DRC3: variants seen among roughly 807,000 people sequenced by gnomAD.
DRC3 encodes the protein dynein regulatory complex subunit 3.
DRC3 carries 45 observed loss-of-function variants against 57.6 expected under a neutral mutation model. The observed-to-expected ratio is 0.78, with a 90% CI of 0.62 to 1.00. The LOEUF is 1.00. DRC3 is among the 50% of genes least tolerant of loss of function. The probability of loss-of-function intolerance (pLI) is 0.00; values close to 1 mark genes in which losing one functional copy is unlikely to be tolerated. For synonymous variants in DRC3, 257 were observed against 272.3 expected, an observed-to-expected ratio of 0.94 and a Z score of 0.55; for missense variants, 655 against 675.2, an observed-to-expected ratio of 0.97 and a Z score of 0.33.
chr17:17,988,339 T>G (rs549719261), intron 5 of DRC3: 1 of 530,260 alleles, frequency 1.9e-6, no homozygotes, highest in African/African-American at 1.9e-5. Flanking sequence ...GGCGGTTCTT[T>G]CCCTGTGTCT....
chr17:17,983,099 C>A (rs182584641), intron 3 of DRC3, among the ~76,000 whole-genome samples: 1 of 152,294 alleles, frequency 6.6e-6, no homozygotes, highest in East Asian at 1.9e-4. Flanking sequence ...GCTTACCTAG[C>A]AAACAGAATG....
rs1263153063 is a variant in DRC3, at chr17:17,995,171, C to T, written c.824+60C>T. 7 of 1,228,530 alleles carry T rather than the reference C, an allele frequency of 5.7e-6. No homozygotes were observed. The Admixed American group carries it at 1.3e-4, about 22-fold the overall frequency. 76.1% of individuals were successfully genotyped at this position (1,228,530 alleles called of 1,614,324 possible). On this transcript the variant is annotated intron_variant, in intron 8 of 13. Transcript: ENST00000399187. ...CTGCCACCAGCCTGCCTTGGCAAGGCCCCTTCCGCTCTAGGCCTCAGTTTC... is the reference window on the plus strand; with the variant it reads ...CTGCCACCAGCCTGCCTTGGCAAGGTCCCTTCCGCTCTAGGCCTCAGTTTC...
At chr17:17,978,839 T>C (rs768433924) in intron 3 of DRC3, among the ~76,000 whole-genome samples, 81 of 152,336 alleles carry the variant, frequency 5.3e-4, no homozygotes, top group Non-Finnish European at 8.2e-4. Context: ...CAGCCAGTAT[T>C]GAACACCTGC....
intron 7 of DRC3, 148 bp from the exon 8 acceptor site, chr17:17,994,851 C>T (rs2043391834): frequency 5.0e-5 from 31 of 623,354 alleles, no homozygotes; most frequent in South Asian, 4.9e-4. Context: ...TGGAAACAGC[C>T]TGCAGTTTTA....
intron 5 of DRC3, chr17:17,988,633 C>G (rs758346797): frequency 1.3e-5 from 2 of 153,330 alleles, no homozygotes; most frequent in Non-Finnish European, 2.9e-5. Context: ...AGCTGTCGTC[C>G]TGTGTCAGAG....
chr17:17,973,371 C>A (rs968326899), intron 1 of DRC3, among the ~76,000 whole-genome samples: 1 of 152,050 alleles, frequency 6.6e-6, no homozygotes, highest in African/African-American at 2.4e-5. Flanking sequence ...CTGTATATAC[C>A]GCTTTGGATG....
Position 18,016,113 on chromosome 17 carries a change from A to T in DRC3, c.1376A>T (p.Asp459Val). The part of the protein sequence containing the change: ...TIVNAVGASH[D>V]IHLLKIDNRE... ...GTTAATGCTGTCGGGGCATCGCACG[A>T]CATCCACCTCCTGAAGATTGACAAT... The change falls in exon 13 of 14, where the codon GAC (aspartate) becomes GTC (valine). Residue 459 changes from aspartate to valine, a missense_variant. Asp to Val is a radical substitution (Grantham distance 152). Coordinates refer to ENST00000399187, the MANE Select transcript of DRC3 (RefSeq NM_031294.4). 6.2e-7 allele frequency: 1 copy of T among 1,614,002 alleles called. No individual in the cohort carries two copies. Among genetic ancestry groups the T allele is most frequent in the South Asian group, 1.1e-5 (1 of 91,088 alleles).
intron 11 of DRC3, 102 bp from the exon 12 acceptor site, chr17:18,006,922 G>C (rs1174978446): frequency 6.6e-7 from 1 of 1,523,758 alleles, no homozygotes; most frequent in Non-Finnish European, 8.8e-7. Flanking sequence ...CAGAATTTCC[G>C]AGCTCGCCTT....
In DRC3 at chr17:17,988,114, G is replaced by A. The variant is rs1308451037; in HGVS notation, c.444+16G>A. On this transcript the variant is annotated intron_variant, in intron 5 of 13. Transcript: ENST00000399187. ...CATGATGAACGTGAGTGGCCGCCCAGCCCGCCCTCACGCACACCTGCAGAG... is the reference window on the plus strand; with the variant it reads ...CATGATGAACGTGAGTGGCCGCCCAACCCGCCCTCACGCACACCTGCAGAG... The A allele has an allele frequency of 1.9e-6, 3 of 1,610,898 alleles. No individual in the cohort carries two copies. Among genetic ancestry groups the A allele is most frequent in the Non-Finnish European group, 2.5e-6 (3 of 1,178,714 alleles).
chr17:17,983,748 G>T, intron 3 of DRC3, 80 bp from the exon 4 acceptor site: 3 of 969,858 alleles, frequency 3.1e-6, no homozygotes, highest in Non-Finnish European at 4.8e-6. Context: ...CCTTTTGTGT[G>T]GTTCTGCCTC....
Position 17,983,862 on chromosome 17 carries a change from G to A in DRC3, c.195G>A (p.Glu65=). The part of the protein sequence containing the change: ...ILRIDNLWQF[E]NLRKLQLDNN... Reference sequence around the variant, plus strand: ...GCATAGACAACCTCTGGCAGTTTGAGAACTTGAGGAAGCTGCAGCTGGACA... The same window carrying A: ...GCATAGACAACCTCTGGCAGTTTGAAAACTTGAGGAAGCTGCAGCTGGACA... Residue 65 remains glutamate, a synonymous_variant, in exon 4 of 14, where the codon GAG becomes GAA. Coordinates refer to ENST00000399187, the MANE Select transcript of DRC3 (RefSeq NM_031294.4). 1 of 1,613,580 alleles carries A rather than the reference G, an allele frequency of 6.2e-7. No individual in the cohort carries two copies. The highest frequency in any genetic ancestry group is 8.5e-7 in the Non-Finnish European group (1 of 1,179,614).
At chr17:18,014,006 C>A (rs2044264672) in intron 12 of DRC3, among the ~76,000 whole-genome samples, 1 of 150,278 alleles carries the variant, frequency 6.7e-6, no homozygotes, top group South Asian at 2.1e-4. Flanking sequence ...AATCTTGGCT[C>A]ACTGCAACCT....
At chr17:17,987,822 G>C in intron 4 of DRC3, 110 bp from the exon 5 acceptor site, 3 of 1,138,624 alleles carry the variant, frequency 2.6e-6, no homozygotes, top group Non-Finnish European at 3.7e-6. Context: ...TCTGGCCCTG[G>C]CAGCTTGGTG....
In DRC3 at chr17:18,011,724, T is replaced by C. The variant is rs547450149; in HGVS notation, c.1327-4340T>C. 14 of 204,736 alleles carry C rather than the reference T, an allele frequency of 6.8e-5. No individual in the cohort carries two copies. The South Asian group carries it at 1.3e-3, about 19-fold the overall frequency. The allele number at this position is 204,736 out of a possible 1,614,324, so 12.7% of individuals were successfully genotyped here. On this transcript the variant is annotated intron_variant, in intron 12 of 13. Coordinates refer to ENST00000399187, the MANE Select transcript of DRC3 (RefSeq NM_031294.4). ...TGCCCCCTGACCTCTGGGAGGAGAC[T>C]GTGTTCACCAAGTCTTCCTCTCAGT...
Position 17,977,694 on chromosome 17 carries a change from G to A in DRC3, c.96G>A (p.Gly32=). ...ACCAGGGCCCCCAGGAGGAGGCCGGGCAGCTGGCCAAGCAGGAGGGCATCC... is the reference window on the plus strand; with the variant it reads ...ACCAGGGCCCCCAGGAGGAGGCCGGACAGCTGGCCAAGCAGGAGGGCATCC... The part of the protein sequence containing the change: ...VGDQGPQEEA[G]QLAKQEGILF... The change falls in exon 3 of 14, where the codon GGG becomes GGA. Residue 32 remains glycine (G), a synonymous_variant. Coordinates refer to ENST00000399187, the MANE Select transcript of DRC3 (RefSeq NM_031294.4). The A allele has an allele frequency of 6.2e-7, 1 of 1,613,832 alleles. No individual in the cohort carries two copies. The highest frequency in any genetic ancestry group is 8.5e-7 in the Non-Finnish European group (1 of 1,179,834).
chr17:17,994,227 G>A, intron 6 of DRC3, 72 bp from the exon 7 acceptor site: 1 of 1,535,098 alleles, frequency 6.5e-7, no homozygotes, highest in East Asian at 2.5e-5. Flanking sequence ...CAGCATGGCA[G>A]AGGCGGCATG....
intron 11 of DRC3, chr17:18,006,592 A>G (rs976270519): frequency 7.6e-6 from 3 of 392,952 alleles, no homozygotes; most frequent in Non-Finnish European, 1.4e-5. Context: ...AGGAGCCAAC[A>G]TCGGAGCATG....
intron 12 of DRC3, among the ~76,000 whole-genome samples, chr17:18,012,788 GCA>G (rs1408220513): frequency 1.3e-5 from 2 of 151,734 alleles, no homozygotes; most frequent in East Asian, 3.9e-4. Context: ...GACCTCAAAA[GCA>G]CAGACAACAA....
intron 11 of DRC3, 27 bp from the exon 12 acceptor site, chr17:18,006,997 G>C (rs747582970): frequency 6.2e-7 from 1 of 1,611,740 alleles, no homozygotes; most frequent in Non-Finnish European, 8.5e-7. Flanking sequence ...TGCTCCTCCC[G>C]GGCCTTTGCT....
Sources: gnomAD v4.1 joint callset for allele counts (sites outside exome capture counted in the v4.1 genomes callset) on GRCh38, gnomAD v4.1.1 for gene constraint, MANE v1.5 for transcripts, NCBI Gene and HGNC (gene_info 2026-07-23, HGNC 2026-07-21) for gene names.